Variants in BAIAP2L1 observed in about 807,000 individuals in gnomAD.
BAIAP2L1 encodes the protein BAR/IMD domain containing adaptor protein 2 like 1.
Under a neutral mutation model 66.3 loss-of-function variants are expected in BAIAP2L1, and 35 were observed. That is an observed-to-expected ratio of 0.53 (90% confidence interval 0.40 to 0.70). The LOEUF is 0.70. Among genes scored for constraint, BAIAP2L1 ranks in the 30% least tolerant of loss-of-function variants. BAIAP2L1 has a pLI of 0.00. For synonymous variants in BAIAP2L1, 269 were observed against 248.7 expected (o/e 1.08, Z -0.77); for missense variants, 622 against 656.9 (o/e 0.95, Z 0.58).
intron 12 of BAIAP2L1, among the ~76,000 whole-genome samples, chr7:98,294,507 G>A (rs1800105705): frequency 6.6e-6 from 1 of 152,194 alleles, no homozygotes; most frequent in South Asian, 2.1e-4. Context: ...GTGATGTCGG[G>A]AGCTCACATG....
At chr7:98,371,014 G>T (rs549387562) in intron 1 of BAIAP2L1, among the ~76,000 whole-genome samples, 12 of 152,174 alleles carry the variant, frequency 7.9e-5, no homozygotes, top group Non-Finnish European at 1.8e-4. Context: ...TGAGGCAAAG[G>T]TCGGTGCTAC....
chr7:98,317,036 A>T (rs1216475224), intron 6 of BAIAP2L1, among the ~76,000 whole-genome samples, 183 bp downstream of exon 6: 2 of 152,020 alleles, frequency 1.3e-5, no homozygotes, highest in African/African-American at 2.4e-5. Context: ...TAGTTTTTGT[A>T]GAGGCAAGGT....
At chr7:98,385,956 G>A (rs904949902) in intron 1 of BAIAP2L1, 81 of 1,472,068 alleles carry the variant, frequency 5.5e-5, no homozygotes, top group Middle Eastern at 5.3e-4. Context: ...CTTTTCTAAC[G>A]AAGACATCAT....
intron 5 of BAIAP2L1, among the ~76,000 whole-genome samples, chr7:98,317,746 C>T (rs555115305): frequency 3.2e-4 from 48 of 151,500 alleles, no homozygotes; most frequent in Middle Eastern, 3.4e-3. Context: ...TGGCTGGGGA[C>T]GCTCACCACA....
At chr7:98,376,599 A>T (rs1802637076) in intron 1 of BAIAP2L1, among the ~76,000 whole-genome samples, 1 of 149,944 alleles carries the variant, frequency 6.7e-6, no homozygotes, top group East Asian at 2.0e-4. Context: ...GGCAGGCAGA[A>T]CACCTGAGGT....
chr7:98,309,795 AAG>A, intron 9 of BAIAP2L1: 1 of 151,628 alleles, frequency 6.6e-6, no homozygotes, highest in East Asian at 1.9e-4. Flanking sequence ...CTGGGTGCTA[AAG>A]ACTGTGCAGA....
At chr7:98,397,513 C>G (rs181908612) in intron 1 of BAIAP2L1, among the ~76,000 whole-genome samples, 1 of 151,892 alleles carries the variant, frequency 6.6e-6, no homozygotes, top group East Asian at 1.9e-4. Context: ...TCAGTAGAGA[C>G]AGGGTTTCAC....
At chr7:98,307,003 G>C (rs1054331162) in intron 10 of BAIAP2L1, 1 of 160,506 alleles carries the variant, frequency 6.2e-6, no homozygotes, top group African/African-American at 2.4e-5. Context: ...AGGAAGGCTT[G>C]TGCACATAAT....
intron 3 of BAIAP2L1, among the ~76,000 whole-genome samples, chr7:98,347,759 C>T (rs1167040680): frequency 6.6e-6 from 1 of 150,856 alleles, no homozygotes; most frequent in African/African-American, 2.4e-5. Flanking sequence ...GCCCGGGCGA[C>T]AGAGCGAAAC....
chr7:98,363,939 C>G (rs1443632430), intron 1 of BAIAP2L1, among the ~76,000 whole-genome samples: 1 of 152,162 alleles, frequency 6.6e-6, no homozygotes, highest in African/African-American at 2.4e-5. Context: ...CTCGACCTTT[C>G]CATAGCCCTG....
At chr7:98,384,693 CTTT>C (rs11413562) in intron 1 of BAIAP2L1, among the ~76,000 whole-genome samples, 3 of 118,796 alleles carry the variant, frequency 2.5e-5, no homozygotes, top group Non-Finnish European at 3.3e-5. Context: ...ATCATTCTAC[CTTT>C]TTTTTTTTTT....
At chr7:98,396,789 AAAAT>A (rs1803219823) in intron 1 of BAIAP2L1, among the ~76,000 whole-genome samples, 5 of 152,222 alleles carry the variant, frequency 3.3e-5, no homozygotes, top group Admixed American at 3.3e-4. Flanking sequence ...CCCTGTCTCA[AAAAT>A]AAATAAATAA....
rs1800541910 is a variant in BAIAP2L1, at chr7:98,304,212, G to C, written c.1406C>G (p.Pro469Arg). The stretch of plus-strand genomic sequence containing the variant: ...TTTACTCACAGGAGCCGCGGTCTCG[G>C]GCTTGGACGCTGGGGCCTTAAAGGT... ...TSTFKAPASK[P>R]ETAAPNDANG... Residue 469 changes from proline (P) to arginine (R), a missense_variant, in exon 12 of 14, where the codon CCC becomes CGC. By Grantham distance (103) the Pro-to-Arg change is moderately radical (BLOSUM62 -2). Transcript: ENST00000005260. 1 of 1,604,584 alleles carries C rather than the reference G, an allele frequency of 6.2e-7. No individual in the cohort carries two copies. Among genetic ancestry groups the C allele is most frequent in the Non-Finnish European group, 8.5e-7 (1 of 1,175,270 alleles).
intron 3 of BAIAP2L1, among the ~76,000 whole-genome samples, chr7:98,338,844 T>G (rs1476118021): frequency 6.6e-6 from 1 of 151,908 alleles, no homozygotes; most frequent in Non-Finnish European, 1.5e-5. Flanking sequence ...GAGGCTGAGG[T>G]GGGCGGATCA....
At chr7:98,311,533 T>C (rs1361423968) in intron 8 of BAIAP2L1, among the ~76,000 whole-genome samples, 1 of 150,468 alleles carries the variant, frequency 6.6e-6, no homozygotes, top group African/African-American at 2.4e-5. Context: ...AGAGCAAGAC[T>C]GTGTCTCAAA....
At chr7:98,364,138 T>C (rs372890488) in intron 1 of BAIAP2L1, among the ~76,000 whole-genome samples, 1 of 152,198 alleles carries the variant, frequency 6.6e-6, no homozygotes, top group African/African-American at 2.4e-5. Context: ...GGACTTTCTA[T>C]GCAATTAGAT....
chr7:98,310,675 TA>T, intron 8 of BAIAP2L1, 83 bp from the exon 9 acceptor site: 1 of 984,038 alleles, frequency 1.0e-6, no homozygotes, highest in Non-Finnish European at 1.4e-6. Context: ...TTTTTTTTTT[TA>T]AATAATAGGC....
intron 1 of BAIAP2L1, among the ~76,000 whole-genome samples, chr7:98,376,502 G>A (rs191269501): frequency 2.0e-5 from 3 of 151,454 alleles, no homozygotes; most frequent in Admixed American, 1.3e-4. Context: ...GGCAGAGGGA[G>A]ACCTTGTCTC....
intron 3 of BAIAP2L1, among the ~76,000 whole-genome samples, chr7:98,326,969 T>A (rs934147564): frequency 6.6e-6 from 1 of 152,214 alleles, no homozygotes; most frequent in Admixed American, 6.5e-5. Context: ...GAACACTGTG[T>A]GCTGAAATTT....
Sources: allele counts gnomAD v4.1 joint callset (sites outside exome capture counted in the v4.1 genomes callset), GRCh38; gene constraint gnomAD v4.1.1; transcripts MANE v1.5; gene names NCBI Gene and HGNC (gene_info 2026-07-23, HGNC 2026-07-21).